Variants in CDH18 observed in about 807,000 individuals in gnomAD.
CDH18 encodes the protein cadherin-18.
CDH18 carries 31 observed loss-of-function variants against 67.9 expected under a neutral mutation model. That is an observed-to-expected ratio of 0.46 (90% CI 0.34 to 0.62). CDH18 has a LOEUF of 0.62. Among genes scored for constraint, CDH18 ranks in the 20% least tolerant of loss-of-function variants. The pLI, the probability that CDH18 is intolerant of heterozygous loss-of-function variation, is 0.01. For missense variants in CDH18, 890 were observed against 975.5 expected, an observed-to-expected ratio of 0.91 and a Z score of 1.17; for synonymous variants, 362 against 347.2, an observed-to-expected ratio of 1.04 and a Z score of -0.48.
intron 3 of CDH18, among the ~76,000 whole-genome samples, chr5:19,824,684 G>A (rs1561381430): frequency 6.6e-6 from 1 of 152,122 alleles, no homozygotes; most frequent in South Asian, 2.1e-4. Flanking sequence ...AGCTGGATGG[G>A]GCTTCACACC....
intron 1 of CDH18, among the ~76,000 whole-genome samples, chr5:20,324,395 G>T (rs1452044129): frequency 6.6e-6 from 1 of 152,106 alleles, no homozygotes; most frequent in Non-Finnish European, 1.5e-5. Context: ...AAAAAAATTA[G>T]CCAGGCATGG....
At chr5:20,361,670 C>T (rs1227354526) in intron 1 of CDH18, among the ~76,000 whole-genome samples, 1 of 152,024 alleles carries the variant, frequency 6.6e-6, no homozygotes, top group Non-Finnish European at 1.5e-5. Context: ...GGCAAATATA[C>T]TGAAATCAAG....
chr5:20,066,049 G>T (rs1224510492), intron 2 of CDH18, among the ~76,000 whole-genome samples: 1 of 151,954 alleles, frequency 6.6e-6, no homozygotes, highest in Non-Finnish European at 1.5e-5. Context: ...TAAAAAGTAT[G>T]ATGATTACTG....
chr5:19,672,564 C>T (rs1046266710), intron 5 of CDH18, among the ~76,000 whole-genome samples: 4 of 151,910 alleles, frequency 2.6e-5, no homozygotes, highest in African/African-American at 7.3e-5. Flanking sequence ...TATTCTAATC[C>T]TCACAAATGT....
chr5:19,988,803 C>T (rs1799808541), upstream of CDH18, among the ~76,000 whole-genome samples: 1 of 152,140 alleles, frequency 6.6e-6, no homozygotes, highest in African/African-American at 2.4e-5. Context: ...CCAGTGGTAG[C>T]CATGAGATTT....
At chr5:20,232,926 T>C (rs1419681198) in intron 2 of CDH18, among the ~76,000 whole-genome samples, 2 of 151,966 alleles carry the variant, frequency 1.3e-5, no homozygotes, top group African/African-American at 4.8e-5. Flanking sequence ...TACAGGTATG[T>C]AATTGTCAAA....
chr5:19,730,026 CCTT>C (rs1341930440), intron 4 of CDH18, among the ~76,000 whole-genome samples: 4 of 151,818 alleles, frequency 2.6e-5, no homozygotes, highest in Non-Finnish European at 4.4e-5. Context: ...CTCCCTCCCA[CCTT>C]CTTTCTGCTT....
intron 10 of CDH18, among the ~76,000 whole-genome samples, chr5:19,512,876 C>G (rs1246326135): frequency 6.6e-6 from 1 of 151,840 alleles, no homozygotes. Context: ...TCCACTTATA[C>G]CTTTTGATGT....
intron 2 of CDH18, among the ~76,000 whole-genome samples, chr5:20,061,119 T>C (rs765394429): frequency 4.7e-4 from 72 of 152,198 alleles, no homozygotes; most frequent in Non-Finnish European, 9.1e-4. Flanking sequence ...TTATACACTC[T>C]GTGAAGGAGA....
intron 9 of CDH18, among the ~76,000 whole-genome samples, chr5:19,534,451 T>C (rs1156360402): frequency 6.6e-6 from 1 of 152,140 alleles, no homozygotes; most frequent in Non-Finnish European, 1.5e-5. Context: ...CTTGTTACTA[T>C]AATATAGCAA....
intron 2 of CDH18, among the ~76,000 whole-genome samples, chr5:20,227,246 A>C (rs545867647): frequency 6.6e-5 from 10 of 152,074 alleles, no homozygotes; most frequent in Non-Finnish European, 4.4e-5. Context: ...AATTCAGAGG[A>C]GGGTCCATCT....
intron 1 of CDH18, among the ~76,000 whole-genome samples, chr5:20,461,493 G>C (rs552159204): frequency 3.3e-5 from 5 of 152,076 alleles, no homozygotes; most frequent in Non-Finnish European, 7.4e-5. Flanking sequence ...AGCACACTTG[G>C]AGATTCCCTC....
chr5:20,221,933 T>C (rs1426406451), intron 2 of CDH18, among the ~76,000 whole-genome samples: 10 of 152,178 alleles, frequency 6.6e-5, no homozygotes, highest in African/African-American at 2.4e-4. Context: ...TCCTTCAATT[T>C]ATCTTGTTGT....
At chr5:20,284,542 C>T (rs1015691144) in intron 1 of CDH18, among the ~76,000 whole-genome samples, 1 of 151,930 alleles carries the variant, frequency 6.6e-6, no homozygotes, top group African/African-American at 2.4e-5. Context: ...TGACATTTGA[C>T]TTAAGCATTA....
intron 2 of CDH18, among the ~76,000 whole-genome samples, chr5:20,201,604 T>C (rs1234569533): frequency 6.6e-6 from 1 of 152,116 alleles, no homozygotes; most frequent in African/African-American, 2.4e-5. Flanking sequence ...TAGCTACATA[T>C]AACAAACAGT....
At chr5:20,574,637 C>T (rs577156939) in intron 1 of CDH18, among the ~76,000 whole-genome samples, 3 of 152,026 alleles carry the variant, frequency 2.0e-5, no homozygotes, top group East Asian at 3.9e-4. Flanking sequence ...CTGCATTGCC[C>T]CAGCTCATTA....
intron 1 of CDH18, among the ~76,000 whole-genome samples, chr5:20,404,349 T>G (rs1425890094): frequency 6.6e-6 from 1 of 152,236 alleles, no homozygotes; most frequent in Non-Finnish European, 1.5e-5. Context: ...TACTCTTTGA[T>G]GCAAAAGGCC....
intron 3 of CDH18, among the ~76,000 whole-genome samples, chr5:19,836,555 A>G (rs548132622): frequency 6.6e-6 from 1 of 152,064 alleles, no homozygotes; most frequent in Non-Finnish European, 1.5e-5. Flanking sequence ...TTCTTTGTAG[A>G]TTCTGGATAT....
chr5:20,574,168 G>A (rs1440063936), intron 1 of CDH18, among the ~76,000 whole-genome samples: 2 of 151,024 alleles, frequency 1.3e-5, no homozygotes, highest in East Asian at 2.0e-4. Flanking sequence ...ATATCATCTC[G>A]CATTTAGAAG....
Sources: gnomAD v4.1 joint callset for allele counts (sites outside exome capture counted in the v4.1 genomes callset) on GRCh38, gnomAD v4.1.1 for gene constraint, MANE v1.5 for transcripts, NCBI Gene and HGNC (gene_info 2026-07-23, HGNC 2026-07-21) for gene names.